HID1: variants seen among roughly 807,000 people sequenced by gnomAD.
The protein encoded by HID1 is HID1 domain containing, also known as protein HID1.
Under a neutral mutation model 89.7 loss-of-function variants are expected in HID1, and 42 were observed. The observed-to-expected ratio is 0.47, with a 90% CI of 0.37 to 0.61. HID1 has a LOEUF of 0.61. Ranked by LOEUF, HID1 falls within the 20% of genes least tolerant of loss-of-function variation. The probability of loss-of-function intolerance (pLI) is 0.00; values close to 1 mark genes in which losing one functional copy is unlikely to be tolerated. For missense variants in HID1, 854 were observed against 1,039.3 expected, an observed-to-expected ratio of 0.82 and a Z score of 2.45; for synonymous variants, 442 against 433.8, an observed-to-expected ratio of 1.02 and a Z score of -0.24.
intron 3 of HID1, 48 bp downstream of exon 3, chr17:74,963,692 T>C (rs978928406): frequency 2.6e-6 from 4 of 1,534,558 alleles, no homozygotes; most frequent in Non-Finnish European, 3.5e-6. Flanking sequence ...GCGCTCTCCC[T>C]GTGACGCCAA....
At position 74,959,094 on chromosome 17, in the gene HID1, C is replaced by T. The variant is rs2144810751; in HGVS notation, c.1009-43G>A. 6.7e-7 allele frequency: 1 copy of T among 1,495,540 alleles called. No homozygotes were observed. Among genetic ancestry groups the T allele is most frequent in the Non-Finnish European group, 8.9e-7 (1 of 1,126,976 alleles). 92.6% of individuals were successfully genotyped at this position (1,495,540 alleles called of 1,614,324 possible). ...GCAGGGGGCCTGTCCAGCCCAATCCCTGCAGCTCCAGTTTCCCAGCCCAGG... is the reference window on the plus strand; with the variant it reads ...GCAGGGGGCCTGTCCAGCCCAATCCTTGCAGCTCCAGTTTCCCAGCCCAGG... On this transcript the variant is annotated intron_variant, in intron 8 of 18. Coordinates refer to ENST00000425042, the MANE Select transcript of HID1 (RefSeq NM_030630.3). The surrounding 1 kb of genome is among the most constrained non-coding windows in gnomAD (Gnocchi z 4.6).
chr17:74,961,800 T>G (rs1159412612), intron 6 of HID1, 73 bp downstream of exon 6: 22 of 903,246 alleles, frequency 2.4e-5, no homozygotes, highest in Middle Eastern at 2.5e-4. Flanking sequence ...GACCCAGAGC[T>G]GGCGAATGGA....
chr17:74,957,734 T>A (rs1197759724), intron 12 of HID1, among the ~76,000 whole-genome samples: 1 of 151,868 alleles, frequency 6.6e-6, no homozygotes, highest in East Asian at 1.9e-4. Flanking sequence ...ACCCCGTCTC[T>A]ACTAAAGATA....
chr17:74,955,313 G>A (rs1179063412), intron 13 of HID1, among the ~76,000 whole-genome samples: 4 of 152,170 alleles, frequency 2.6e-5, no homozygotes, highest in African/African-American at 7.2e-5. Flanking sequence ...GGGAGGCCGA[G>A]GCAGGCAGAT....
At chr17:74,957,954 G>T (rs967902400) in intron 12 of HID1, 187 bp downstream of exon 12, 21 of 594,618 alleles carry the variant, frequency 3.5e-5, no homozygotes, top group African/African-American at 3.3e-4. Flanking sequence ...TTGAGATGAT[G>T]ATAGATAAAA....
chr17:74,966,632 G>GA (rs2039568019), intron 1 of HID1, among the ~76,000 whole-genome samples: 1 of 151,924 alleles, frequency 6.6e-6, no homozygotes, highest in Non-Finnish European at 1.5e-5. Flanking sequence ...CTTATCATCA[G>GA]AAAAAAATAT....
rs1177099376 is a variant in HID1 at position 74,963,702 on chromosome 17, A to G, written c.387+38T>C. 16 of 1,555,888 alleles carry G rather than the reference A, an allele frequency of 1.0e-5. No homozygotes were observed. In the South Asian group the frequency reaches 1.6e-4, roughly 16 times the overall value. On this transcript the variant is annotated intron_variant, in intron 3 of 18. Transcript: ENST00000425042. ...AAAGGGCGCTCTCCCTGTGACGCCA[A>G]CTCTGCCTCCCACCCAGCCCTGGCC...
chr17:74,969,411 C>T (rs1015596201), intron 1 of HID1, among the ~76,000 whole-genome samples: 5 of 152,156 alleles, frequency 3.3e-5, no homozygotes, highest in African/African-American at 7.2e-5. Context: ...CGGTCTCGAT[C>T]TCCTGACCTC....
At position 74,958,083 on chromosome 17, in the gene HID1, C is replaced by T. The variant is rs2039419230; in HGVS notation, c.1471+58G>A. 1 of 1,500,970 alleles carries T rather than the reference C, an allele frequency of 6.7e-7. No homozygotes were observed. Among genetic ancestry groups the T allele is most frequent in the African/African-American group, 1.4e-5 (1 of 72,216 alleles). The allele number at this position is 1,500,970 out of a possible 1,614,324, so 93.0% of individuals were successfully genotyped here. ...AAACCTGGAGCAAGTGGCAGGTTGG[C>T]CTGTGGCCTGACACCACCTGGTGGT... On this transcript the variant is annotated intron_variant, in intron 12 of 18. Coordinates refer to ENST00000425042, the MANE Select transcript of HID1 (RefSeq NM_030630.3). The surrounding 1 kb of genome is among the most constrained non-coding windows in gnomAD (Gnocchi z 5.2).
Position 74,952,426 on chromosome 17 carries a change from C to T in HID1, c.2053-66G>A, listed in dbSNP as rs978877802. On this transcript the variant is annotated intron_variant, in intron 16 of 18. Transcript: ENST00000425042. ...CCGGAGGCTGCGGGGCAAGCCTGAC[C>T]CTGACCCAGAACCACAGGCTCCCCA... 2.5e-6 allele frequency: 3 copies of T among 1,219,338 alleles called. No individual in the cohort carries two copies. The African/African-American group carries it at 4.5e-5, about 18-fold the overall frequency. The allele number at this position is 1,219,338 out of a possible 1,614,324, so 75.5% of individuals were successfully genotyped here. A position where few individuals can be genotyped will look rare whatever the true frequency, so the allele number is the denominator to read the frequency against.
At position 74,964,636 on chromosome 17, in the gene HID1, T is replaced by TG. The variant is rs1441698892; in HGVS notation, c.67-5dup. On this transcript the variant is annotated splice_polypyrimidine_tract_variant and splice_region_variant and intron_variant, in intron 1 of 18. Transcript: ENST00000425042. ...CATCATCGGTGGCTTCCACGGGCTG[T>TG]GGGGGGACCAAGGGTCCAGAGTTAC... 6.2e-7 allele frequency: 1 copy of TG among 1,610,584 alleles called. No homozygotes were observed.
At position 74,961,859 on chromosome 17, in the gene HID1, C is replaced by A. The variant is rs62086322; in HGVS notation, c.728+14G>T. The A allele has an allele frequency of 1.5e-3, 2,228 of 1,444,136 alleles. 2 individuals carry two copies. Among genetic ancestry groups the A allele is most frequent in the Non-Finnish European group, 1.9e-3 (2,131 of 1,094,458 alleles). 89.5% of individuals were successfully genotyped at this position (1,444,136 alleles called of 1,614,324 possible). Reference sequence around the variant, plus strand: ...AAGAGGGAAGAGAGCGCAGAAAGGCCAAGGGCCCTTCACCTGTTCTCCGTG... The same window carrying A: ...AAGAGGGAAGAGAGCGCAGAAAGGCAAAGGGCCCTTCACCTGTTCTCCGTG... On this transcript the variant is annotated intron_variant, in intron 6 of 18. Coordinates refer to ENST00000425042, the MANE Select transcript of HID1 (RefSeq NM_030630.3).
At chr17:74,965,119 C>G (rs1165448972) in intron 1 of HID1, among the ~76,000 whole-genome samples, 1 of 152,256 alleles carries the variant, frequency 6.6e-6, no homozygotes, top group African/African-American at 2.4e-5. Context: ...ACAGCACACC[C>G]AAAACAGCTG....
rs1305915205 is a variant in HID1 at position 74,959,660 on chromosome 17, A to G, written c.1008+221T>C. Among the ~76,000 whole-genome samples, 1 of 152,020 alleles carries G rather than the reference A, an allele frequency of 6.6e-6. No individual in the cohort carries two copies. The highest frequency in any genetic ancestry group is 1.9e-4 in the East Asian group (1 of 5,190). The stretch of plus-strand genomic sequence containing the variant: ...TCCCCACCACCTCTGAAATGACATC[A>G]GCCACCTCCTCCTAGAGGCCTTCCC... On this transcript the variant is annotated intron_variant, in intron 8 of 18. Coordinates refer to ENST00000425042, the MANE Select transcript of HID1 (RefSeq NM_030630.3). The surrounding 1 kb of genome is among the most constrained non-coding windows in gnomAD (Gnocchi z 4.6).
chr17:74,956,178 G>C (rs1400965950), intron 12 of HID1, among the ~76,000 whole-genome samples: 1 of 152,136 alleles, frequency 6.6e-6, no homozygotes, highest in East Asian at 1.9e-4. Flanking sequence ...CATGAAGACA[G>C]CTGTCCTGCT....
At chr17:74,968,043 T>G (rs2039589149) in intron 1 of HID1, 1 of 152,374 alleles carries the variant, frequency 6.6e-6, no homozygotes, top group Non-Finnish European at 1.5e-5. Context: ...AGTTCAAGGC[T>G]GCAGTGAGCT....
chr17:74,964,140 C>T, intron 2 of HID1: 1 of 599,216 alleles, frequency 1.7e-6, no homozygotes, highest in Non-Finnish European at 3.0e-6. Context: ...ACAGCCAGGG[C>T]CCAGCTAGCC....
chr17:74,957,065 T>C (rs1380932966), intron 12 of HID1, among the ~76,000 whole-genome samples: 3 of 152,208 alleles, frequency 2.0e-5, no homozygotes, highest in African/African-American at 7.2e-5. Flanking sequence ...ACACAGTGGC[T>C]CACGCCTGTA....
At chr17:74,970,225 G>A (rs930372653) in intron 1 of HID1, among the ~76,000 whole-genome samples, 3 of 152,046 alleles carry the variant, frequency 2.0e-5, no homozygotes, top group Admixed American at 1.3e-4. Flanking sequence ...CCCAAAATCA[G>A]ATATTCTTAA....
Sources: gnomAD v4.1 joint callset for allele counts (sites outside exome capture counted in the v4.1 genomes callset) on GRCh38, gnomAD v4.1.1 for gene constraint, Gnocchi (gnomAD v3.1) non-coding constraint, MANE v1.5 for transcripts, NCBI Gene and HGNC (gene_info 2026-07-23, HGNC 2026-07-21) for gene names.